GALNT16: variants seen among roughly 807,000 people sequenced by gnomAD.
GALNT16 encodes UDP-GalNAc:polypeptide N-acetylgalactosaminyltransferase-like protein 1.
In GALNT16, 40 loss-of-function variants were observed where a neutral mutation model predicts 76.1. The ratio of observed to expected loss-of-function variants is 0.53; its 90% confidence interval spans 0.41 to 0.68. The LOEUF is 0.68. GALNT16 is among the 30% of genes least tolerant of loss of function. The pLI is 0.00. For synonymous variants in GALNT16, 276 were observed against 285.2 expected (o/e 0.97, Z 0.32); for missense variants, 621 against 731.9 (o/e 0.85, Z 1.75).
At position 69,352,281 on chromosome 14, in the gene GALNT16, C is replaced by T; in HGVS notation, c.*113C>T. ...CCATCTCCTCACATTTCTGCCAGGACCATCAGCAAATACCCACCATGACAC... is the reference window on the plus strand; with the variant it reads ...CCATCTCCTCACATTTCTGCCAGGATCATCAGCAAATACCCACCATGACAC... On this transcript the variant is annotated 3_prime_UTR_variant, in exon 15 of 15. Transcript: ENST00000448469. The T allele has an allele frequency of 2.0e-6, 2 of 989,394 alleles. No individual in the cohort carries two copies. Among genetic ancestry groups the T allele is most frequent in the East Asian group, 2.6e-5 (1 of 38,004 alleles). 61.3% of individuals were successfully genotyped at this position (989,394 alleles called of 1,614,324 possible).
the GALNT16 span, among the ~76,000 whole-genome samples, chr14:69,362,159 G>A: frequency 2.0e-5 from 3 of 152,240 alleles, no homozygotes; most frequent in African/African-American, 7.2e-5. Context: ...GCTCGGGAGG[G>A]TGAGACCCCT....
At chr14:69,357,346 G>GGCA (rs1489441133), downstream of GALNT16, 4 of 152,398 alleles carry the variant, frequency 2.6e-5, no homozygotes, top group Admixed American at 2.6e-4. Flanking sequence ...GAAGTCCACT[G>GGCA]GCCACACTAG....
At chr14:69,364,123 T>G in the GALNT16 span, among the ~76,000 whole-genome samples, 1 of 152,202 alleles carries the variant, frequency 6.6e-6, no homozygotes, top group Non-Finnish European at 1.5e-5. This position sits in a 1 kb window ranked among gnomAD's most constrained non-coding sequence, Gnocchi z 4.2. Context: ...TTGCAGTAAG[T>G]GTTTCTTGAA....
the GALNT16 span, among the ~76,000 whole-genome samples, chr14:69,370,948 G>A: frequency 1.3e-5 from 2 of 152,204 alleles, no homozygotes; most frequent in African/African-American, 4.8e-5. Context: ...AGCAGCTTTA[G>A]CAATTTAAAA....
Position 69,333,015 on chromosome 14 carries a change from G to A in GALNT16, c.779-70G>A. On this transcript the variant is annotated intron_variant, in intron 7 of 14. Transcript: ENST00000448469. The surrounding 1 kb of genome is among the most constrained non-coding windows in gnomAD (Gnocchi z 4.2). ...TGATCAGGGGAGACTCCGAGGGGTG[G>A]TGGAGTGAAGGGTCTCAGCAGCCCG... 2 of 1,044,374 alleles carry A rather than the reference G, an allele frequency of 1.9e-6. No individual in the cohort carries two copies. Among genetic ancestry groups the A allele is most frequent in the Non-Finnish European group, 3.0e-6 (2 of 659,774 alleles). 64.7% of individuals were successfully genotyped at this position (1,044,374 alleles called of 1,614,324 possible).
intron 1 of GALNT16, among the ~76,000 whole-genome samples, chr14:69,288,316 A>G (rs559191035): frequency 1.2e-3 from 186 of 152,320 alleles, no homozygotes; most frequent in African/African-American, 4.3e-3. Context: ...CTGCGTCTTT[A>G]GAAAGCCACA....
At position 69,333,893 on chromosome 14, in the gene GALNT16, C is replaced by G. The variant is rs1383403622; in HGVS notation, c.967+293C>G. The stretch of plus-strand genomic sequence containing the variant: ...ATGGCTGGACATGTGTGTGGAAGAA[C>G]ACACAACTGTATCACAGACCACAGC... On this transcript the variant is annotated intron_variant, in intron 9 of 14. Coordinates refer to ENST00000448469, the MANE Select transcript of GALNT16 (RefSeq NM_001168368.2). The surrounding 1 kb of genome is among the most constrained non-coding windows in gnomAD (Gnocchi z 4.2). 2 of 395,282 alleles carry G rather than the reference C, an allele frequency of 5.1e-6. No individual in the cohort carries two copies. The highest frequency in any genetic ancestry group is 1.2e-4 in the East Asian group (2 of 16,068). The allele number at this position is 395,282 out of a possible 1,614,324, so 24.5% of individuals were successfully genotyped here.
At chr14:69,319,854 T>C (rs2045151975) in intron 1 of GALNT16, among the ~76,000 whole-genome samples, 1 of 152,244 alleles carries the variant, frequency 6.6e-6, no homozygotes, top group Admixed American at 6.5e-5. Flanking sequence ...TTCTGGTAGC[T>C]CTGGCATCAG....
At chr14:69,272,431 A>G (rs556904000) in intron 1 of GALNT16, among the ~76,000 whole-genome samples, 1 of 152,212 alleles carries the variant, frequency 6.6e-6, no homozygotes, top group African/African-American at 2.4e-5. Flanking sequence ...TTATACAGTC[A>G]TGTGCTGCAA....
intron 1 of GALNT16, among the ~76,000 whole-genome samples, chr14:69,319,688 G>A (rs1364506855): frequency 6.6e-6 from 1 of 152,218 alleles, no homozygotes; most frequent in Non-Finnish European, 1.5e-5. Flanking sequence ...GGGAGCACAG[G>A]GTAGGGTGTG....
intron 12 of GALNT16, 99 bp downstream of exon 12, chr14:69,341,863 G>A: frequency 1.4e-6 from 1 of 735,032 alleles, no homozygotes. Flanking sequence ...CCTCAACACT[G>A]GTGATCTGGC....
the GALNT16 span, among the ~76,000 whole-genome samples, chr14:69,371,800 C>T: frequency 4.0e-5 from 6 of 151,524 alleles, no homozygotes; most frequent in South Asian, 4.2e-4. Context: ...AAAAATTAAC[C>T]GGGCGTGGTG....
intron 1 of GALNT16, among the ~76,000 whole-genome samples, chr14:69,296,767 T>TAGATAGATAGAC (rs1216981832): frequency 3.8e-5 from 5 of 130,998 alleles, no homozygotes; most frequent in Non-Finnish European, 1.6e-5. Flanking sequence ...GATAGATAGA[T>TAGATAGATAGAC]AGACAGATAG....
chr14:69,333,360 G>T lies in GALNT16; in HGVS notation c.864-137G>T, dbSNP rs2045380146. 4.2e-6 allele frequency: 3 copies of T among 710,718 alleles called. No individual in the cohort carries two copies. In the East Asian group the frequency reaches 8.0e-5, roughly 19 times the overall value. The allele number at this position is 710,718 out of a possible 1,614,324, so 44.0% of individuals were successfully genotyped here. The stretch of plus-strand genomic sequence containing the variant: ...ACGGGAACAGATGTGGGGGGCCAGG[G>T]AGCTGGCCAGACATCCTGCCCCAGT... On this transcript the variant is annotated intron_variant, in intron 8 of 14. Transcript: ENST00000448469. This position sits in a 1 kb window ranked among gnomAD's most constrained non-coding sequence, Gnocchi z 4.2.
rs140082518 is a variant in GALNT16, at chr14:69,294,471, A to G, written c.178-26240A>G. Reference sequence around the variant, plus strand: ...TTTACTGAGGTACGATTTACATACCAAAAAAATTCACTAGTTCTAACTGCA... The same window carrying G: ...TTTACTGAGGTACGATTTACATACCGAAAAAATTCACTAGTTCTAACTGCA... On this transcript the variant is annotated intron_variant, in intron 1 of 14. Coordinates refer to ENST00000448469, the MANE Select transcript of GALNT16 (RefSeq NM_001168368.2). 1.1e-3 allele frequency among the ~76,000 whole-genome samples: 161 copies of G among 152,264 alleles called. 1 individual carries two copies. Among genetic ancestry groups the G allele is most frequent in the African/African-American group, 3.8e-3 (156 of 41,534 alleles).
At chr14:69,309,485 G>A (rs955696087) in intron 1 of GALNT16, among the ~76,000 whole-genome samples, 1 of 151,770 alleles carries the variant, frequency 6.6e-6, no homozygotes, top group Non-Finnish European at 1.5e-5. Flanking sequence ...TTATTTTTTT[G>A]TGTGTTTGTA....
At chr14:69,366,211 G>A in the GALNT16 span, among the ~76,000 whole-genome samples, 1 of 152,230 alleles carries the variant, frequency 6.6e-6, no homozygotes, top group East Asian at 1.9e-4. Context: ...CATGGGTAGA[G>A]TGGATGCATG....
chr14:69,267,814 G>A (rs529049688), intron 1 of GALNT16, among the ~76,000 whole-genome samples: 1 of 152,208 alleles, frequency 6.6e-6, no homozygotes, highest in South Asian at 2.1e-4. Flanking sequence ...GTCAGGTGAG[G>A]GTTGAACTAC....
At chr14:69,304,957 T>G (rs908333411) in intron 1 of GALNT16, among the ~76,000 whole-genome samples, 1 of 152,168 alleles carries the variant, frequency 6.6e-6, no homozygotes, top group Non-Finnish European at 1.5e-5. Context: ...TTCAAAGTCT[T>G]GATTTCAATT....
Sources: gnomAD v4.1 joint callset for allele counts (sites outside exome capture counted in the v4.1 genomes callset) on GRCh38, gnomAD v4.1.1 for gene constraint, Gnocchi (gnomAD v3.1) non-coding constraint, MANE v1.5 for transcripts, NCBI Gene and HGNC (gene_info 2026-07-23, HGNC 2026-07-21) for gene names.